Variants in EVC2 observed in about 807,000 individuals in gnomAD.
EVC2 encodes the protein EvC ciliary complex subunit 2.
EVC2 carries 148 observed loss-of-function variants against 149.3 expected under a neutral mutation model. The ratio of observed to expected loss-of-function variants is 0.99; its 90% CI spans 0.87 to 1.14. The LOEUF (loss-of-function observed/expected upper bound fraction) is 1.14, where lower values mean the gene tolerates loss of function less well. EVC2 is among the 50% of genes most tolerant of loss of function. The pLI, the probability that EVC2 is intolerant of heterozygous loss-of-function variation, is 0.00. For missense variants in EVC2, 1,854 were observed against 1,627.3 expected, an observed-to-expected ratio of 1.14 and a Z score of -2.40; for synonymous variants, 776 against 649.9, an observed-to-expected ratio of 1.19 and a Z score of -2.95.
At position 5,616,899 on chromosome 4, in the gene EVC2, C is replaced by T. The variant is rs182751377; in HGVS notation, c.2707-1355G>A. ...CCTTGGGTGACTCTGAAGGCAGAAA[C>T]TTCACTCCTGCCGGGACTCACCAGC... On this transcript the variant is annotated intron_variant, in intron 15 of 21. Coordinates refer to ENST00000344408, the MANE Select transcript of EVC2 (RefSeq NM_147127.5). Among the ~76,000 whole-genome samples the T allele has an allele frequency of 3.3e-3, 507 of 152,360 alleles. 1 individual carries two copies. The highest frequency in any genetic ancestry group is 0.011 in the African/African-American group (470 of 41,590).
chr4:5,565,672 CAAAA>C (rs949664571), intron 20 of EVC2, among the ~76,000 whole-genome samples: 3 of 81,768 alleles, frequency 3.7e-5, no homozygotes, highest in Non-Finnish European at 5.0e-5. Context: ...GACTCCATCT[CAAAA>C]AAAAAAAAAA....
rs115417081 is a variant in EVC2 at position 5,618,872 on chromosome 4, T to C, written c.2502-190A>G. Among the ~76,000 whole-genome samples, 552 of 152,310 alleles carry C rather than the reference T, an allele frequency of 3.6e-3. 3 individuals carry two copies. Among genetic ancestry groups the C allele is most frequent in the Non-Finnish European group, 6.3e-3 (430 of 68,024 alleles). ...AATGCATGTCGTGCTGCATAGGACA[T>C]TGTATTGGAGCTAGGAATGAGAGCT... On this transcript the variant is annotated intron_variant, in intron 14 of 21. Transcript: ENST00000344408. The surrounding 1 kb of genome is among the most constrained non-coding windows in gnomAD (Gnocchi z 4.4).
the EVC2 span, among the ~76,000 whole-genome samples, chr4:5,531,107 T>C: frequency 6.6e-6 from 1 of 152,124 alleles, no homozygotes; most frequent in African/African-American, 2.4e-5. Context: ...ATGTAGGGGT[T>C]CAGTTATGTG....
intron 9 of EVC2, among the ~76,000 whole-genome samples, chr4:5,649,949 A>C (rs1717993690): frequency 6.6e-6 from 1 of 152,232 alleles, no homozygotes; most frequent in African/African-American, 2.4e-5. Context: ...AGGTTAAATG[A>C]GAGTAAAAAT....
In EVC2 at chr4:5,697,618, C is replaced by T. The variant is rs1480156629; in HGVS notation, c.258G>A (p.Val86=). 1.9e-6 allele frequency: 3 copies of T among 1,614,140 alleles called. No individual in the cohort carries two copies. The highest frequency in any genetic ancestry group is 2.5e-6 in the Non-Finnish European group (3 of 1,180,016). The part of the protein sequence containing the change: ...QDLPCMIWPK[V]ECCHFKTAVE... ...CTGCAGTCTTAAAGTGACAGCATTC[C>T]ACTTTGGGCCAAATCATACAGGGCA... Residue 86 remains valine (V), a synonymous_variant, in exon 2 of 22, where the codon GTG becomes GTA. Transcript: ENST00000344408.
rs1052914533 is a variant in EVC2 at position 5,656,930 on chromosome 4, A to T, written c.1145+6177T>A. Among the ~76,000 whole-genome samples the T allele has an allele frequency of 2.6e-5, 4 of 152,318 alleles. No individual in the cohort carries two copies. In the South Asian group the frequency reaches 8.3e-4, roughly 32 times the overall value. ...CCAGGCCAGCTCTGGTTCCGGTACC[A>T]GGATGAGGTCAGCACTGCATCCCAT... On this transcript the variant is annotated intron_variant, in intron 9 of 21. Coordinates refer to ENST00000344408, the MANE Select transcript of EVC2 (RefSeq NM_147127.5).
Position 5,694,400 on chromosome 4 carries a change from C to A in EVC2, c.385G>T (p.Ala129Ser), listed in dbSNP as rs1721329102. The A allele has an allele frequency of 2.5e-6, 4 of 1,614,088 alleles. No homozygotes were observed. The highest frequency in any genetic ancestry group is 3.4e-6 in the Non-Finnish European group (4 of 1,180,012). ...SSGPWAHSLF[A>S]FIPSWPKKNL... ...TTCTTAGGCCAGGAGGGTATAAAAGCAAATAAGGAATGAGCCCATGGCCCA... is the reference window on the plus strand; with the variant it reads ...TTCTTAGGCCAGGAGGGTATAAAAGAAAATAAGGAATGAGCCCATGGCCCA... The change falls in exon 3 of 22, where the codon GCT becomes TCT. Residue 129 changes from alanine (A) to serine (S), a missense_variant. Physicochemically the swap from Ala to Ser is moderately conservative, Grantham distance 99 (BLOSUM62 1). Coordinates refer to ENST00000344408, the MANE Select transcript of EVC2 (RefSeq NM_147127.5).
chr4:5,654,012 G>C (rs887085462), intron 9 of EVC2, among the ~76,000 whole-genome samples: 1 of 152,142 alleles, frequency 6.6e-6, no homozygotes, highest in Non-Finnish European at 1.5e-5. Flanking sequence ...TAAGGAGTTC[G>C]ACACCAGCCT....
rs761996945 is a variant in EVC2, at chr4:5,563,048, G to A, written c.3727C>T (p.His1243Tyr). 1.2e-5 allele frequency: 19 copies of A among 1,614,196 alleles called. No individual in the cohort carries two copies. Among genetic ancestry groups the A allele is most frequent in the South Asian group, 5.5e-5 (5 of 91,074 alleles). The stretch of plus-strand genomic sequence containing the variant: ...TCGCCAATGGGCTCCAGTGACAGGT[G>A]TGGCCAACTTCCTTTTCCAGAGAAT... The part of the protein sequence containing the change: ...MIFSGKGSWP[H>Y]LSLEPIGELA... Residue 1243 changes from histidine (H) to tyrosine (Y), a missense_variant, in exon 22 of 22, where the codon CAC becomes TAC. Coordinates refer to ENST00000344408, the MANE Select transcript of EVC2 (RefSeq NM_147127.5).
chr4:5,589,592 C>G (rs1409146385), intron 16 of EVC2, among the ~76,000 whole-genome samples: 1 of 152,288 alleles, frequency 6.6e-6, no homozygotes, highest in African/African-American at 2.4e-5. Flanking sequence ...CTGCTGGGTT[C>G]CTTCTTGCTG....
At chr4:5,530,126 C>A in the EVC2 span, among the ~76,000 whole-genome samples, 1 of 152,158 alleles carries the variant, frequency 6.6e-6, no homozygotes, top group Non-Finnish European at 1.5e-5. Context: ...TCTTTAGTTT[C>A]TAAGGTCCAT....
chr4:5,542,275 A>G (rs1204072297), downstream of EVC2, among the ~76,000 whole-genome samples: 3 of 152,020 alleles, frequency 2.0e-5, no homozygotes, highest in East Asian at 5.8e-4. Context: ...AACGTGGTGA[A>G]ACCCCACCTC....
the EVC2 span, among the ~76,000 whole-genome samples, chr4:5,537,761 A>G: frequency 1.3e-5 from 2 of 152,206 alleles, no homozygotes; most frequent in African/African-American, 2.4e-5. Context: ...CGGAACTGAC[A>G]TTATTGAAAT....
At chr4:5,588,153 T>A (rs181250904) in intron 16 of EVC2, among the ~76,000 whole-genome samples, 15 of 152,352 alleles carry the variant, frequency 9.8e-5, no homozygotes, top group African/African-American at 3.4e-4. Flanking sequence ...TTGAAAGATA[T>A]ACTTTCTGAA....
chr4:5,648,449 G>A (rs557411387), intron 9 of EVC2, among the ~76,000 whole-genome samples: 2 of 152,164 alleles, frequency 1.3e-5, no homozygotes, highest in East Asian at 1.9e-4. Flanking sequence ...GGCAGGTGCT[G>A]TACCAGGTGC....
chr4:5,668,850 T>C (rs575886502), intron 7 of EVC2, among the ~76,000 whole-genome samples: 1 of 152,216 alleles, frequency 6.6e-6, no homozygotes, highest in Admixed American at 6.5e-5. Context: ...CAAAAAGACA[T>C]GTTGAAGTCC....
intron 10 of EVC2, among the ~76,000 whole-genome samples, chr4:5,638,786 G>T (rs993649027): frequency 1.3e-5 from 2 of 152,108 alleles, no homozygotes; most frequent in African/African-American, 4.8e-5. Context: ...CAGGGAAAAG[G>T]CCACAGGAAG....
chr4:5,590,193 G>C (rs556907616), intron 16 of EVC2, among the ~76,000 whole-genome samples: 1 of 152,224 alleles, frequency 6.6e-6, no homozygotes, highest in East Asian at 1.9e-4. Flanking sequence ...ATACTGCAGA[G>C]GCCCTGAACT....
chr4:5,542,073 G>C (rs1721524695), downstream of EVC2, among the ~76,000 whole-genome samples: 1 of 152,134 alleles, frequency 6.6e-6, no homozygotes, highest in Non-Finnish European at 1.5e-5. Flanking sequence ...AGCCCTTCCT[G>C]CCATATGAAG....
Sources: allele counts gnomAD v4.1 joint callset (sites outside exome capture counted in the v4.1 genomes callset), GRCh38; gene constraint gnomAD v4.1.1; non-coding constraint Gnocchi (gnomAD v3.1); transcripts MANE v1.5; gene names NCBI Gene and HGNC (gene_info 2026-07-23, HGNC 2026-07-21).